Variants in DNAH14 observed in about 807,000 individuals in gnomAD.
DNAH14 encodes the protein dynein axonemal heavy chain 14, also known as axonemal beta dynein heavy chain 14.
A neutral mutation model predicts 520.9 loss-of-function variants in DNAH14; 478 were observed. That is an observed-to-expected ratio of 0.92 (90% CI 0.85 to 0.99). The LOEUF is 0.99. Ranked by LOEUF, DNAH14 falls within the 50% of genes least tolerant of loss-of-function variation. DNAH14 has a pLI of 0.00. For synonymous variants in DNAH14, 1,581 were observed against 1,757.2 expected (o/e 0.90, Z 2.51); for missense variants, 4,831 against 5,234.5 (o/e 0.92, Z 2.38).
At chr1:225,009,484 A>G (rs2064501429) in intron 10 of DNAH14, among the ~76,000 whole-genome samples, 1 of 152,202 alleles carries the variant, frequency 6.6e-6, no homozygotes, top group Non-Finnish European at 1.5e-5. Flanking sequence ...TGGTACCAGT[A>G]CCATGCTGTT....
chr1:225,147,369 T>A (rs950988717), intron 31 of DNAH14, 120 bp downstream of exon 31: 10 of 1,003,542 alleles, frequency 1.0e-5, no homozygotes, highest in Admixed American at 7.3e-5. Context: ...GTTTTTTTTT[T>A]AAAGCACATA....
intron 11 of DNAH14, chr1:225,024,136 G>GT (rs2065920074): frequency 9.9e-7 from 1 of 1,014,972 alleles, no homozygotes; most frequent in Non-Finnish European, 1.2e-6. Flanking sequence ...TAAAATTATT[G>GT]TTTATCTGAA....
At chr1:224,988,134 A>G (rs533145792) in intron 8 of DNAH14, among the ~76,000 whole-genome samples, 1 of 151,980 alleles carries the variant, frequency 6.6e-6, no homozygotes, top group East Asian at 1.9e-4. Context: ...ACTCCCACTT[A>G]TAAGTGAGAA....
In DNAH14 at chr1:225,079,278, T is replaced by G; in HGVS notation, c.2496T>G (p.Ile832Met). 1 of 1,549,250 alleles carries G rather than the reference T, an allele frequency of 6.5e-7. No individual in the cohort carries two copies. The highest frequency in any genetic ancestry group is 8.7e-7 in the Non-Finnish European group (1 of 1,146,464). ...TAGAAGAATTTCTGGAGCATTTTAT[T>G]TTTTTGAATGCAATTTCCTCAAAAA... ...TEIEEFLEHFIFLNAISSKIS... is the reference protein window; with the variant it reads ...TEIEEFLEHFMFLNAISSKIS... Residue 832 changes from isoleucine (I) to methionine (M), a missense_variant, in exon 18 of 86, where the codon ATT becomes ATG. By Grantham distance (10) the Ile-to-Met change is conservative. Transcript: ENST00000682510.
In DNAH14 at chr1:225,144,382, A is replaced by G; in HGVS notation, c.4509-15A>G. 2 of 1,519,960 alleles carry G rather than the reference A, an allele frequency of 1.3e-6. No individual in the cohort carries two copies. The highest frequency in any genetic ancestry group is 1.8e-6 in the Non-Finnish European group (2 of 1,120,366). The allele number at this position is 1,519,960 out of a possible 1,614,324, so 94.2% of individuals were successfully genotyped here. On this transcript the variant is annotated splice_polypyrimidine_tract_variant and intron_variant, in intron 28 of 85. Transcript: ENST00000682510. ...TTTAACCAAATAATATGAACATTTA[A>G]AATTTGGCTTTCAGACATTTGCAAT...
At chr1:225,281,158 A>G (rs1406972303) in intron 54 of DNAH14, among the ~76,000 whole-genome samples, 1 of 152,178 alleles carries the variant, frequency 6.6e-6, no homozygotes, top group Non-Finnish European at 1.5e-5. Flanking sequence ...TATGACATGA[A>G]CCCACTGGGC....
intron 17 of DNAH14, among the ~76,000 whole-genome samples, chr1:225,054,353 G>A (rs994561646): frequency 6.6e-6 from 1 of 152,112 alleles, no homozygotes; most frequent in Admixed American, 6.6e-5. Flanking sequence ...AAAGTGACCA[G>A]AGGACTTTTA....
At position 225,399,102 on chromosome 1, in the gene DNAH14, T is replaced by C; in HGVS notation, c.13687T>C (p.Tyr4563His). The change falls in exon 86 of 86, where the codon TAT becomes CAT. Residue 4563 changes from tyrosine (Y) to histidine (H), a missense_variant. Transcript: ENST00000682510. ...TTCCAACCAGACAGATTCAGAACTC[T>C]ATGCTTTTGAATGCCCAGTTTACCA... ...NASNQTDSELYAFECPVYQTP... is the reference protein window; with the variant it reads ...NASNQTDSELHAFECPVYQTP... 6.4e-7 allele frequency: 1 copy of C among 1,551,892 alleles called. No individual in the cohort carries two copies. The highest frequency in any genetic ancestry group is 8.7e-7 in the Non-Finnish European group (1 of 1,147,042).
intron 31 of DNAH14, among the ~76,000 whole-genome samples, chr1:225,149,209 A>C (rs1308079317): frequency 6.6e-6 from 1 of 152,122 alleles, no homozygotes; most frequent in African/African-American, 2.4e-5. Flanking sequence ...TGAGTTTGTC[A>C]TGTTTGTCAA....
At chr1:225,314,296 C>T (rs1040252385) in intron 60 of DNAH14, among the ~76,000 whole-genome samples, 1 of 152,128 alleles carries the variant, frequency 6.6e-6, no homozygotes, top group Non-Finnish European at 1.5e-5. Flanking sequence ...CTTGGTAAAT[C>T]TTCCTCCAGC....
chr1:224,944,436 T>A (rs1025830414), intron 1 of DNAH14, among the ~76,000 whole-genome samples: 4 of 152,214 alleles, frequency 2.6e-5, no homozygotes, highest in African/African-American at 4.8e-5. Context: ...GGGTCTTGAC[T>A]CTTTATCCAG....
intron 48 of DNAH14, 45 bp downstream of exon 48, chr1:225,265,414 C>A: frequency 7.0e-7 from 1 of 1,427,606 alleles, no homozygotes; most frequent in South Asian, 1.5e-5. Context: ...TTAGGCTAGT[C>A]AAGTGATAGT....
At position 225,314,544 on chromosome 1, in the gene DNAH14, C is replaced by T. The variant is rs562166418; in HGVS notation, c.9241-4039C>T. On this transcript the variant is annotated intron_variant, in intron 60 of 85. Transcript: ENST00000682510. ...TTCTTCATAGTGTTAATGGTCTTTACATTTTGGTATGTTTTTGCAGTGGCT... is the reference window on the plus strand; with the variant it reads ...TTCTTCATAGTGTTAATGGTCTTTATATTTTGGTATGTTTTTGCAGTGGCT... 5.5e-4 allele frequency among the ~76,000 whole-genome samples: 84 copies of T among 152,276 alleles called. No homozygotes were observed. The South Asian group carries it at 0.017, about 31-fold the overall frequency.
chr1:225,277,306 A>T (rs2093509385), intron 53 of DNAH14, 104 bp from the exon 54 acceptor site: 1 of 388,326 alleles, frequency 2.6e-6, no homozygotes, highest in African/African-American at 2.1e-5. Flanking sequence ...GCTCTGGATT[A>T]CTAGTTATTC....
chr1:224,974,908 C>T (rs1180535717), intron 8 of DNAH14, among the ~76,000 whole-genome samples: 6 of 151,888 alleles, frequency 4.0e-5, no homozygotes, highest in African/African-American at 1.5e-4. Flanking sequence ...CTATCAATAC[C>T]TAATTTATTG....
Position 225,258,116 on chromosome 1 carries a change from C to T in DNAH14, c.7022C>T (p.Thr2341Ile), listed in dbSNP as rs1441485938. 8.0e-6 allele frequency: 12 copies of T among 1,499,354 alleles called. No individual in the cohort carries two copies. The highest frequency in any genetic ancestry group is 1.1e-5 in the Non-Finnish European group (12 of 1,129,432). 92.9% of individuals were successfully genotyped at this position (1,499,354 alleles called of 1,614,324 possible). Residue 2341 changes from threonine (T) to isoleucine (I), a missense_variant and splice_region_variant, in exon 45 of 86, where the codon ACA becomes ATA. Thr to Ile is a moderately conservative substitution (Grantham distance 89, BLOSUM62 -1). Coordinates refer to ENST00000682510, the MANE Select transcript of DNAH14 (RefSeq NM_001367479.1). ...AAGAATTCCTGCCCTGTACTTCTCACAGGTATTACAAATATTTAATAGAAG... is the reference window on the plus strand; with the variant it reads ...AAGAATTCCTGCCCTGTACTTCTCATAGGTATTACAAATATTTAATAGAAG... The part of the protein sequence containing the change: ...LLKNSCPVLL[T>I]GESGVGKTAA...
chr1:225,097,160 T>TA lies in DNAH14; in HGVS notation c.3617dup (p.Tyr1206Ter). ...GGATCAAAACTTGACTCTCTTCTCT[T>TA]ACACCCTTGAGGAATGGATGAATTG... ...EWDQNLTLFS[Y>*]TLEEWMNCQR... Residue 1206 changes from tyrosine (Y) to a stop codon, truncating the protein, a stop_gained and frameshift_variant, in exon 22 of 86, where the codon TAC (tyrosine) becomes TAAC (stop). Transcript: ENST00000682510. LOFTEE classifies it high-confidence loss of function. 6.4e-7 allele frequency: 1 copy of TA among 1,550,566 alleles called. No individual in the cohort carries two copies. The highest frequency in any genetic ancestry group is 8.7e-7 in the Non-Finnish European group (1 of 1,146,374).
chr1:224,950,999 A>C (rs2060136658), intron 1 of DNAH14, among the ~76,000 whole-genome samples: 1 of 152,132 alleles, frequency 6.6e-6, no homozygotes, highest in Non-Finnish European at 1.5e-5. Flanking sequence ...TTTGACTCAC[A>C]AAGTCTGAAA....
chr1:225,345,929 C>A (rs2095279645), intron 69 of DNAH14, 33 bp from the exon 70 acceptor site: 1 of 1,502,636 alleles, frequency 6.7e-7, no homozygotes, highest in Non-Finnish European at 9.0e-7. Flanking sequence ...TTACAATAGT[C>A]TTTATTTAAC....
Sources: allele counts gnomAD v4.1 joint callset (sites outside exome capture counted in the v4.1 genomes callset), GRCh38; gene constraint gnomAD v4.1.1; transcripts MANE v1.5; gene names NCBI Gene and HGNC (gene_info 2026-07-23, HGNC 2026-07-21).